Variants in MIB2 observed in about 807,000 individuals in gnomAD.
The protein encoded by MIB2 is MIB E3 ubiquitin protein ligase 2, also known as E3 ubiquitin-protein ligase MIB2.
A neutral mutation model predicts 96.6 loss-of-function variants in MIB2; 78 were observed. That is an observed-to-expected ratio of 0.81 (90% CI 0.67 to 0.97). MIB2 has a LOEUF of 0.97. Among genes scored for constraint, MIB2 ranks in the 50% least tolerant of loss-of-function variants. The pLI is 0.00. For missense variants in MIB2, 1,543 were observed against 1,424.0 expected, an observed-to-expected ratio of 1.08 and a Z score of -1.35; for synonymous variants, 820 against 629.5, an observed-to-expected ratio of 1.30 and a Z score of -4.53.
chr1:1,615,685 C>T (rs1643546212), intron 1 of MIB2, 52 bp downstream of exon 1: 7 of 1,528,226 alleles, frequency 4.6e-6, no homozygotes, highest in Non-Finnish European at 6.1e-6. Context: ...GTCCCCGAGT[C>T]GTTCTCCGCT....
chr1:1,623,734 C>T lies in MIB2; in HGVS notation c.247+35C>T, dbSNP rs759306575. ...AAGGGCAGGCGGGACGGGCAGGACC[C>T]GGGGGCGGGAACGCCCCTCTGACCC... On this transcript the variant is annotated intron_variant, in intron 3 of 19. Coordinates refer to ENST00000355826, the MANE Select transcript of MIB2 (RefSeq NM_001170687.4). 42 of 1,535,272 alleles carry T rather than the reference C, an allele frequency of 2.7e-5. No homozygotes were observed. In the African/African-American group the frequency reaches 3.4e-4, roughly 12 times the overall value.
At chr1:1,616,697 C>G in intron 2 of MIB2, 83 bp downstream of exon 2, 1 of 1,124,690 alleles carries the variant, frequency 8.9e-7, no homozygotes, top group Non-Finnish European at 1.3e-6. Context: ...GTCAGAGAGG[C>G]TGTGTTTGTG....
intron 13 of MIB2, 60 bp from the exon 14 acceptor site, chr1:1,627,959 C>T: frequency 6.2e-7 from 1 of 1,607,270 alleles, no homozygotes; most frequent in East Asian, 2.2e-5. Flanking sequence ...TCCCTGGGTG[C>T]CCTGGCTCTT....
At position 1,626,680 on chromosome 1, in the gene MIB2, C is replaced by T. The variant is rs376615315; in HGVS notation, c.1003C>T (p.Arg335Trp). The stretch of plus-strand genomic sequence containing the variant: ...CTCCTTCTGGGTGGGCGACGTGGTC[C>T]GGGTCATCGGCGACCTTGACACAGT... ...HHSFWVGDVV[R>W]VIGDLDTVKR... Residue 335 changes from arginine (R) to tryptophan (W), a missense_variant, in exon 9 of 20, where the codon CGG becomes TGG. Coordinates refer to ENST00000355826, the MANE Select transcript of MIB2 (RefSeq NM_001170687.4). The surrounding 1 kb of genome is among the most constrained non-coding windows in gnomAD (Gnocchi z 5.3). The T allele has an allele frequency of 9.3e-5, 147 of 1,578,544 alleles. No homozygotes were observed. The East Asian group carries it at 2.3e-3, about 24-fold the overall frequency.
chr1:1,616,520 A>T lies in MIB2; in HGVS notation c.-117A>T, dbSNP rs1643707062. 2 of 1,592,632 alleles carry T rather than the reference A, an allele frequency of 1.3e-6. No individual in the cohort carries two copies. The highest frequency in any genetic ancestry group is 1.7e-6 in the Non-Finnish European group (2 of 1,170,500). ...CCCTCGGCCACAGGGTTGGAAGCCCAGCGAGGCTAGAGGCCAGTCCCAAAG... is the reference window on the plus strand; with the variant it reads ...CCCTCGGCCACAGGGTTGGAAGCCCTGCGAGGCTAGAGGCCAGTCCCAAAG... On this transcript the variant is annotated 5_prime_UTR_variant, in exon 2 of 20. Transcript: ENST00000355826.
At chr1:1,617,402 C>T (rs927952318) in intron 2 of MIB2, 1 of 152,274 alleles carries the variant, frequency 6.6e-6, no homozygotes, top group African/African-American at 2.4e-5. Flanking sequence ...CCTACACTCT[C>T]CTGACTGATG....
At position 1,629,154 on chromosome 1, in the gene MIB2, G is replaced by GGCA; in HGVS notation, c.2227_2229dup (p.Ser743dup). 2 of 1,499,332 alleles carry GGCA rather than the reference G, an allele frequency of 1.3e-6. No homozygotes were observed. Among genetic ancestry groups the GGCA allele is most frequent in the Non-Finnish European group, 1.8e-6 (2 of 1,132,708 alleles). The allele number at this position is 1,499,332 out of a possible 1,614,324, so 92.9% of individuals were successfully genotyped here. On this transcript the variant is annotated inframe_insertion, in exon 17 of 20. Transcript: ENST00000355826. ...CCAGCTACAGGCCTCGGGCCTCCCC[G>GGCA]GCAGCGCGGAGCTGACGGTGGGCGC... is the stretch of plus-strand genomic sequence containing the variant.
rs755220940 is a variant in MIB2 at position 1,628,117 on chromosome 1, T to G, written c.1779T>G (p.Val593=). ...EVLTEVPNID[V]TATNSQGFTL... ...TCACGGAGGTGCCAAACATCGATGT[T>G]ACCGCCACCAACAGCCAGGGTTTCA... The change falls in exon 14 of 20, where the codon GTT becomes GTG. Residue 593 remains valine, a synonymous_variant. Transcript: ENST00000355826. The G allele has an allele frequency of 3.8e-5, 61 of 1,613,208 alleles. No homozygotes were observed. The highest frequency in any genetic ancestry group is 4.9e-5 in the Non-Finnish European group (58 of 1,179,982).
rs1285450022 is a variant in MIB2 at position 1,629,417 on chromosome 1, G to T, written c.2414G>T (p.Gly805Val). The T allele has an allele frequency of 4.0e-6, 6 of 1,484,510 alleles. No individual in the cohort carries two copies. The highest frequency in any genetic ancestry group is 5.3e-6 in the Non-Finnish European group (6 of 1,127,368). 92.0% of individuals were successfully genotyped at this position (1,484,510 alleles called of 1,614,324 possible). A position where few individuals can be genotyped will look rare whatever the true frequency, so the allele number is the denominator to read the frequency against. Residue 805 changes from glycine (G) to valine (V), a missense_variant, in exon 18 of 20, where the codon GGC becomes GTC. Gly to Val is a moderately radical substitution (Grantham distance 109). Transcript: ENST00000355826. Reference protein sequence around the residue: ...ERQAGGGAAPGPRQTLGTPNT... With the variant: ...ERQAGGGAAPVPRQTLGTPNT... ...CAGGCGGGCGGGGGCGCGGCCCCGGGCCCCAGGCAAACGCTCGGGACCCCC... is the reference window on the plus strand; with the variant it reads ...CAGGCGGGCGGGGGCGCGGCCCCGGTCCCCAGGCAAACGCTCGGGACCCCC...
upstream of MIB2, chr1:1,615,311 A>C (rs556936749): frequency 2.7e-5 from 37 of 1,375,280 alleles, no homozygotes; most frequent in South Asian, 4.9e-4. Context: ...ATGGCAACCG[A>C]GTGCGTCTCT....
Position 1,629,389 on chromosome 1 carries a change from C to CGGCA in MIB2, c.2390_2393dup (p.Gly801ArgfsTer32), listed in dbSNP as rs2100574993. 1 of 1,443,092 alleles carries CGGCA rather than the reference C, an allele frequency of 6.9e-7. No homozygotes were observed. 89.4% of individuals were successfully genotyped at this position (1,443,092 alleles called of 1,614,324 possible). On this transcript the variant is annotated frameshift_variant, in exon 18 of 20. Coordinates refer to ENST00000355826, the MANE Select transcript of MIB2 (RefSeq NM_001170687.4). LOFTEE classifies it high-confidence loss of function. ...AGCCGCCTCCTCCCCCTGCAGGGAG[C>CGGCA]GGCAGGCGGGCGGGGGCGCGGCCCC...
In MIB2 at chr1:1,630,410, C is replaced by G. The variant is rs375232586; in HGVS notation, c.2748C>G (p.Asp916Glu). Residue 916 changes from aspartate to glutamate, a missense_variant, in exon 20 of 20, where the codon GAC (aspartate) becomes GAG (glutamate). Coordinates refer to ENST00000355826, the MANE Select transcript of MIB2 (RefSeq NM_001170687.4). The stretch of plus-strand genomic sequence containing the variant: ...GCATCACCTGCCCCATCTGCATCGA[C>G]AGCCACATCCGCCTCGTGTTCCAGT... ...EERITCPICIDSHIRLVFQCG... is the reference protein window; with the variant it reads ...EERITCPICIESHIRLVFQCG... The G allele has an allele frequency of 6.3e-7, 1 of 1,579,068 alleles. No individual in the cohort carries two copies. The highest frequency in any genetic ancestry group is 1.1e-5 in the South Asian group (1 of 86,998).
At position 1,623,230 on chromosome 1, in the gene MIB2, C is replaced by T. The variant is rs537247664; in HGVS notation, c.-22-201C>T. On this transcript the variant is annotated intron_variant, in intron 2 of 19. Coordinates refer to ENST00000355826, the MANE Select transcript of MIB2 (RefSeq NM_001170687.4). ...TCCCGCGCCAGGCTGGCACGGCGCC[C>T]GCCTTTCCCACCGGCCTCCCTGGTG... 6.9e-5 allele frequency: 62 copies of T among 895,416 alleles called. No homozygotes were observed. The South Asian group carries it at 7.7e-4, about 11-fold the overall frequency. 55.5% of individuals were successfully genotyped at this position (895,416 alleles called of 1,614,324 possible).
chr1:1,613,855 CGAGATAA>C (rs1489809772), upstream of MIB2: 1 of 152,056 alleles, frequency 6.6e-6, no homozygotes, highest in Admixed American at 6.6e-5. Context: ...GAGAAAAGCT[CGAGATAA>C]GAGCTGTGCA....
At chr1:1,615,218 G>A (rs1282767176), upstream of MIB2, 10 of 702,654 alleles carry the variant, frequency 1.4e-5, no homozygotes, top group South Asian at 2.2e-4. Context: ...GCCCGCACTG[G>A]TGGAGTCGGA....
In MIB2 at chr1:1,623,920, C is replaced by A; in HGVS notation, c.394C>A (p.Arg132Ser). 1 of 1,610,056 alleles carries A rather than the reference C, an allele frequency of 6.2e-7. No individual in the cohort carries two copies. The highest frequency in any genetic ancestry group is 8.5e-7 in the Non-Finnish European group (1 of 1,177,980). Residue 132 changes from arginine to serine, a missense_variant, in exon 4 of 20, where the codon CGC becomes AGC. Arg to Ser is a moderately radical substitution (Grantham distance 110, BLOSUM62 -1). Transcript: ENST00000355826. ...GCATGAGCTCGCCCACGCCTTCGACCGCTACGAGACCGCTCACTCGCGCCC... is the reference window on the plus strand; with the variant it reads ...GCATGAGCTCGCCCACGCCTTCGACAGCTACGAGACCGCTCACTCGCGCCC... Reference protein sequence around the residue: ...NKHELAHAFDRYETAHSRPVT... With the variant: ...NKHELAHAFDSYETAHSRPVT...
intron 2 of MIB2, 150 bp downstream of exon 2, chr1:1,616,764 A>C (rs1643753115): frequency 6.5e-6 from 4 of 619,088 alleles, no homozygotes; most frequent in Non-Finnish European, 1.1e-5. Context: ...CTCCTCTCTG[A>C]GTTCGGAACC....
Position 1,623,534 on chromosome 1 carries a change from G to A in MIB2, c.82G>A (p.Gly28Ser), listed in dbSNP as rs559425972. Residue 28 changes from glycine to serine, a missense_variant, in exon 3 of 20, where the codon GGC (glycine) becomes AGC (serine). Gly to Ser is a moderately conservative substitution (Grantham distance 56). Coordinates refer to ENST00000355826, the MANE Select transcript of MIB2 (RefSeq NM_001170687.4). ...GGACTGGAAGTGGGGCCAGCAGGAC[G>A]GCGGCGAGGGCGGCGTGGGCACGGT... is the stretch of plus-strand genomic sequence containing the variant. ...GVDWKWGQQD[G>S]GEGGVGTVVE... is the part of the protein sequence containing the mutation. 1.9e-5 allele frequency: 29 copies of A among 1,536,978 alleles called. No homozygotes were observed. Among genetic ancestry groups the A allele is most frequent in the East Asian group, 9.7e-5 (4 of 41,116 alleles).
Position 1,629,152 on chromosome 1 carries a change from C to T in MIB2, c.2222C>T (p.Pro741Leu). 1 of 1,498,486 alleles carries T rather than the reference C, an allele frequency of 6.7e-7. No homozygotes were observed. Among genetic ancestry groups the T allele is most frequent in the Non-Finnish European group, 8.8e-7 (1 of 1,132,332 alleles). The allele number at this position is 1,498,486 out of a possible 1,614,324, so 92.8% of individuals were successfully genotyped here. A position where few individuals can be genotyped will look rare whatever the true frequency, so the allele number is the denominator to read the frequency against. Residue 741 changes from proline (P) to leucine (L), a missense_variant, in exon 17 of 20, where the codon CCC (proline) becomes CTC (leucine). Physicochemically the swap from Pro to Leu is moderately conservative, Grantham distance 98. Coordinates refer to ENST00000355826, the MANE Select transcript of MIB2 (RefSeq NM_001170687.4). The stretch of plus-strand genomic sequence containing the variant: ...GCCCAGCTACAGGCCTCGGGCCTCC[C>T]CGGCAGCGCGGAGCTGACGGTGGGC... ...LLSRLQASGL[P>L]GSAELTVGAA...
Sources: allele counts gnomAD v4.1 joint callset, GRCh38; gene constraint gnomAD v4.1.1; non-coding constraint Gnocchi (gnomAD v3.1); transcripts MANE v1.5; gene names NCBI Gene and HGNC (gene_info 2026-07-23, HGNC 2026-07-21).